RHBDD1: variants seen among roughly 807,000 people sequenced by gnomAD.
RHBDD1 encodes the protein rhomboid domain containing 1.
A neutral mutation model predicts 36.3 loss-of-function variants in RHBDD1; 38 were observed. The observed-to-expected ratio is 1.05, with a 90% CI of 0.81 to 1.37. The LOEUF (loss-of-function observed/expected upper bound fraction) is 1.37, where lower values mean the gene tolerates loss of function less well. Ranked by LOEUF, RHBDD1 falls within the 40% of genes most tolerant of loss-of-function variation. The pLI is 0.00. For missense variants in RHBDD1, 393 were observed against 377.6 expected, an observed-to-expected ratio of 1.04 and a Z score of -0.34; for synonymous variants, 151 against 136.5, an observed-to-expected ratio of 1.11 and a Z score of -0.74.
chr2:226,858,583 T>G (rs1051270100), intron 3 of RHBDD1, among the ~76,000 whole-genome samples: 1 of 152,190 alleles, frequency 6.6e-6, no homozygotes, highest in Non-Finnish European at 1.5e-5. Context: ...TATACTGCCT[T>G]AGTAAATGAT....
chr2:226,980,757 G>T (rs1245889708), intron 8 of RHBDD1, among the ~76,000 whole-genome samples: 1 of 152,122 alleles, frequency 6.6e-6, no homozygotes, highest in Non-Finnish European at 1.5e-5. Flanking sequence ...TAAATCTTCA[G>T]TTACCCAAGA....
chr2:226,900,911 T>C (rs1947529757), intron 5 of RHBDD1, among the ~76,000 whole-genome samples: 1 of 152,166 alleles, frequency 6.6e-6, no homozygotes, highest in African/African-American at 2.4e-5. Context: ...CCTAGTAAAT[T>C]TCAAGTGTAC....
chr2:226,830,118 T>C, the RHBDD1 span, among the ~76,000 whole-genome samples: 1 of 152,220 alleles, frequency 6.6e-6, no homozygotes, highest in Non-Finnish European at 1.5e-5. Flanking sequence ...ATGGTCTGAA[T>C]GTTTGTGTTG....
chr2:226,948,789 C>A (rs1431520528), intron 8 of RHBDD1, among the ~76,000 whole-genome samples: 3 of 152,002 alleles, frequency 2.0e-5, no homozygotes, highest in Non-Finnish European at 4.4e-5. Flanking sequence ...TAAGTTCTGG[C>A]TAGGGCAATC....
chr2:226,928,689 C>T (rs150478980), intron 8 of RHBDD1, among the ~76,000 whole-genome samples: 3,109 of 151,852 alleles, frequency 0.02, 41 homozygotes, highest in Middle Eastern at 0.037. Flanking sequence ...ACAACAACAA[C>T]AACAAAAAAG....
chr2:226,832,599 GTTCAA>G (rs1251676939), upstream of RHBDD1, among the ~76,000 whole-genome samples: 1 of 152,146 alleles, frequency 6.6e-6, no homozygotes, highest in African/African-American at 2.4e-5. Context: ...ATATTTCTCT[GTTCAA>G]TTCAATCATT....
intron 3 of RHBDD1, among the ~76,000 whole-genome samples, chr2:226,845,031 T>A (rs977361333): frequency 2.0e-5 from 3 of 152,190 alleles, no homozygotes; most frequent in African/African-American, 7.2e-5. Context: ...TTTTTTTTTC[T>A]TCCTAAAATG....
chr2:226,993,097 T>C (rs1023245938), intron 8 of RHBDD1, among the ~76,000 whole-genome samples: 1 of 152,256 alleles, frequency 6.6e-6, no homozygotes, highest in Non-Finnish European at 1.5e-5. Flanking sequence ...AGGCCGTGTG[T>C]GCTGGCTGCT....
chr2:226,947,952 C>T (rs1951108822), intron 8 of RHBDD1, among the ~76,000 whole-genome samples: 1 of 152,176 alleles, frequency 6.6e-6, no homozygotes, highest in Admixed American at 6.5e-5. Context: ...AATAGGAACA[C>T]TTTTACACTG....
intron 5 of RHBDD1, among the ~76,000 whole-genome samples, chr2:226,877,726 G>T (rs1945363389): frequency 6.6e-6 from 1 of 151,960 alleles, no homozygotes; most frequent in Admixed American, 6.6e-5. Context: ...GAAGTGCTTT[G>T]TGTGTATTTC....
intron 8 of RHBDD1, among the ~76,000 whole-genome samples, chr2:226,976,335 A>G (rs1954575508): frequency 6.7e-6 from 1 of 150,268 alleles, no homozygotes; most frequent in Admixed American, 6.7e-5. Context: ...GAGGATGTCT[A>G]GTCAGTGACT....
intron 8 of RHBDD1, among the ~76,000 whole-genome samples, chr2:226,959,307 G>A (rs1312444276): frequency 2.6e-5 from 4 of 152,084 alleles, no homozygotes; most frequent in Admixed American, 2.6e-4. Context: ...CAAAAAATTT[G>A]TAAAGATTAA....
rs533446656 is a variant in RHBDD1 at position 226,864,792 on chromosome 2, A to G, written c.99A>G (p.Ala33=). The change falls in exon 4 of 9, where the codon GCA becomes GCG. Residue 33 remains alanine (A), a synonymous_variant. Transcript: ENST00000392062. ...ACAATATTCCACCTGTCACCCTAGC[A>G]ACTTTGGCCCTCAACATCTGGTTCT... is the stretch of plus-strand genomic sequence containing the variant. ...GINNIPPVTL[A]TLALNIWFFL... The G allele has an allele frequency of 1.3e-5, 21 of 1,614,160 alleles. No homozygotes were observed. Among genetic ancestry groups the G allele is most frequent in the Middle Eastern group, 1.6e-4 (1 of 6,062 alleles).
At chr2:226,802,236 C>A in the RHBDD1 span, among the ~76,000 whole-genome samples, 1 of 152,142 alleles carries the variant, frequency 6.6e-6, no homozygotes, top group African/African-American at 2.4e-5. Flanking sequence ...TTAAAAAACA[C>A]AATTTCAGTT....
At chr2:226,828,698 A>G in the RHBDD1 span, among the ~76,000 whole-genome samples, 3 of 152,192 alleles carry the variant, frequency 2.0e-5, no homozygotes, top group Non-Finnish European at 4.4e-5. Flanking sequence ...TATTACTCAT[A>G]TATCTTCTTT....
chr2:226,927,943 G>T (rs1261931767), intron 8 of RHBDD1, among the ~76,000 whole-genome samples: 3 of 152,076 alleles, frequency 2.0e-5, no homozygotes, highest in Non-Finnish European at 4.4e-5. Context: ...TGGCACAAAA[G>T]TTTATAATTT....
rs570012101 is a variant in RHBDD1, at chr2:226,900,609, G to A, written c.567-6184G>A. On this transcript the variant is annotated intron_variant, in intron 5 of 8. Coordinates refer to ENST00000392062, the MANE Select transcript of RHBDD1 (RefSeq NM_001167608.3). ...ATTTTGTGTAATACACTGTCCAAGCGTATGTAGTGGGGTGGACAGGGGGAG... is the reference window on the plus strand; with the variant it reads ...ATTTTGTGTAATACACTGTCCAAGCATATGTAGTGGGGTGGACAGGGGGAG... Among the ~76,000 whole-genome samples, 13 of 152,196 alleles carry A rather than the reference G, an allele frequency of 8.5e-5. No individual in the cohort carries two copies. The South Asian group carries it at 1.0e-3, about 12-fold the overall frequency.
At chr2:226,967,957 C>G (rs1397090288) in intron 8 of RHBDD1, among the ~76,000 whole-genome samples, 1 of 152,158 alleles carries the variant, frequency 6.6e-6, no homozygotes, top group Admixed American at 6.5e-5. Context: ...AAAATTACTT[C>G]TAAGGCCATG....
At chr2:226,966,045 A>T (rs1952603658) in intron 8 of RHBDD1, among the ~76,000 whole-genome samples, 1 of 152,222 alleles carries the variant, frequency 6.6e-6, no homozygotes. Flanking sequence ...AGTAGGCATC[A>T]TTCCTGGGGT....
Sources: gnomAD v4.1 joint callset for allele counts (sites outside exome capture counted in the v4.1 genomes callset) on GRCh38, gnomAD v4.1.1 for gene constraint, MANE v1.5 for transcripts, NCBI Gene and HGNC (gene_info 2026-07-23, HGNC 2026-07-21) for gene names.